DPP10: variants seen among roughly 807,000 people sequenced by gnomAD.
DPP10 encodes dipeptidyl peptidase like 10.
DPP10 carries 33 observed loss-of-function variants against 120.9 expected under a neutral mutation model. That is an observed-to-expected ratio of 0.27 (90% confidence interval 0.21 to 0.37). The LOEUF is 0.37. Ranked by LOEUF, DPP10 falls within the 10% of genes least tolerant of loss-of-function variation. The probability of loss-of-function intolerance (pLI) is 1.00; values close to 1 mark genes in which losing one functional copy is unlikely to be tolerated. For synonymous variants in DPP10, 337 were observed against 326.1 expected (o/e 1.03, Z -0.36); for missense variants, 816 against 942.8 (o/e 0.87, Z 1.76).
chr2:115,167,432 TAAAAAG>T lies in DPP10; in HGVS notation c.61-141802_61-141797del, dbSNP rs2052971080. On this transcript the variant is annotated intron_variant, in intron 1 of 25. Transcript: ENST00000410059. ...AACAAACAAAAAACAAAAAAGAAAA[TAAAAAG>T]AAAAGAAAGAAAGAAAGAATTATCA... is the stretch of plus-strand genomic sequence containing the variant. Among the ~76,000 whole-genome samples the T allele has an allele frequency of 2.0e-5, 3 of 150,014 alleles. No homozygotes were observed. The South Asian group carries it at 6.4e-4, about 32-fold the overall frequency.
chr2:115,416,018 T>C (rs1387260415), intron 3 of DPP10, among the ~76,000 whole-genome samples: 1 of 151,838 alleles, frequency 6.6e-6, no homozygotes, highest in Non-Finnish European at 1.5e-5. Context: ...TACACAAATT[T>C]GAAAGCAAAA....
At chr2:114,778,111 G>A (rs10496474) in intron 1 of DPP10, among the ~76,000 whole-genome samples, 13,621 of 151,888 alleles carry the variant, frequency 0.09, 906 homozygotes, top group African/African-American at 0.17. Flanking sequence ...TTACTAAGAA[G>A]GGCTATAAAT....
chr2:114,577,373 G>T (rs1286220383), intron 1 of DPP10, among the ~76,000 whole-genome samples: 6 of 152,172 alleles, frequency 3.9e-5, no homozygotes, highest in Non-Finnish European at 8.8e-5. Flanking sequence ...CCTTCCTGTA[G>T]AGAACATTGG....
chr2:115,377,824 G>T (rs1265539455), intron 3 of DPP10, among the ~76,000 whole-genome samples: 1 of 152,076 alleles, frequency 6.6e-6, no homozygotes, highest in Non-Finnish European at 1.5e-5. Flanking sequence ...TTTCCCCATT[G>T]CTTGTTTTTG....
intron 1 of DPP10, among the ~76,000 whole-genome samples, chr2:115,003,818 A>T (rs1466706259): frequency 6.6e-6 from 1 of 152,086 alleles, no homozygotes; most frequent in Non-Finnish European, 1.5e-5. Context: ...TTCCAAACCT[A>T]TTGACTTGAT....
intron 1 of DPP10, among the ~76,000 whole-genome samples, chr2:114,696,831 G>A (rs1377826049): frequency 2.0e-5 from 3 of 151,852 alleles, no homozygotes; most frequent in African/African-American, 7.2e-5. Context: ...TGGTATCATG[G>A]TCGAAGAATG....
intron 7 of DPP10, among the ~76,000 whole-genome samples, chr2:115,713,158 G>A (rs2421278): frequency 0.91 from 138,151 of 152,034 alleles, 64,266 homozygotes; most frequent in East Asian, 1. Context: ...ATAATTAAAA[G>A]AAATAGGTAG....
At chr2:114,991,077 A>C (rs936805602) in intron 1 of DPP10, among the ~76,000 whole-genome samples, 3 of 152,246 alleles carry the variant, frequency 2.0e-5, no homozygotes, top group Non-Finnish European at 2.9e-5. Context: ...ACAGAAAATA[A>C]GACCAAACCA....
intron 1 of DPP10, among the ~76,000 whole-genome samples, chr2:114,948,696 A>T (rs1170976152): frequency 6.6e-6 from 1 of 152,144 alleles, no homozygotes; most frequent in Non-Finnish European, 1.5e-5. Flanking sequence ...GTCAAGTACC[A>T]CCATTCTTTC....
chr2:115,813,388 C>A (rs945082477), intron 19 of DPP10, among the ~76,000 whole-genome samples: 1 of 152,098 alleles, frequency 6.6e-6, no homozygotes, highest in Non-Finnish European at 1.5e-5. Context: ...TATGGTAGTC[C>A]CACTGTAACT....
rs140427624 is a variant in DPP10, at chr2:115,444,340, A to G, written c.272-55170A>G. Among the ~76,000 whole-genome samples, 552 of 152,342 alleles carry G rather than the reference A, an allele frequency of 3.6e-3. 3 individuals carry two copies. Among genetic ancestry groups the G allele is most frequent in the African/African-American group, 0.013 (539 of 41,582 alleles). On this transcript the variant is annotated intron_variant, in intron 3 of 25. Coordinates refer to ENST00000410059, the MANE Select transcript of DPP10 (RefSeq NM_020868.6). The stretch of plus-strand genomic sequence containing the variant: ...CTTAGTGATTTGATGAATCTCATGT[A>G]ATTAACATGACGGTTAGACTCAGGC...
chr2:114,886,984 G>A (rs1406403058), intron 1 of DPP10, among the ~76,000 whole-genome samples: 1 of 152,104 alleles, frequency 6.6e-6, no homozygotes, highest in Admixed American at 6.5e-5. Flanking sequence ...CCATTAGTGT[G>A]AATTATTTGT....
intron 1 of DPP10, among the ~76,000 whole-genome samples, chr2:114,793,732 C>T (rs1180085882): frequency 6.6e-6 from 1 of 152,132 alleles, no homozygotes; most frequent in Non-Finnish European, 1.5e-5. Flanking sequence ...AACAAGATAT[C>T]CCCTAAAATA....
intron 1 of DPP10, among the ~76,000 whole-genome samples, chr2:115,299,338 GT>G (rs1359635111): frequency 4.6e-5 from 7 of 152,028 alleles, no homozygotes; most frequent in Non-Finnish European, 7.4e-5. Context: ...AATTGGAAGA[GT>G]GGCTGGCAAA....
At chr2:114,732,487 A>G (rs772767361) in intron 1 of DPP10, among the ~76,000 whole-genome samples, 1 of 152,146 alleles carries the variant, frequency 6.6e-6, no homozygotes, top group Non-Finnish European at 1.5e-5. Flanking sequence ...GAGAGAGTAA[A>G]ATGGGGAAAG....
chr2:115,587,319 C>T (rs1271470919), intron 5 of DPP10, among the ~76,000 whole-genome samples: 2 of 151,844 alleles, frequency 1.3e-5, no homozygotes, highest in Non-Finnish European at 2.9e-5. Flanking sequence ...AGGGTGGTCT[C>T]GATCTCCTGA....
At chr2:114,594,613 A>G (rs1691753872) in intron 1 of DPP10, among the ~76,000 whole-genome samples, 1 of 149,522 alleles carries the variant, frequency 6.7e-6, no homozygotes, top group Admixed American at 6.7e-5. Flanking sequence ...TCTCATATAT[A>G]TTTATATGCA....
intron 1 of DPP10, among the ~76,000 whole-genome samples, chr2:114,623,383 T>G (rs959361175): frequency 1.3e-5 from 2 of 152,144 alleles, no homozygotes; most frequent in African/African-American, 4.8e-5. Flanking sequence ...AGCAGCACCA[T>G]AGTTCATTTT....
At chr2:114,561,179 T>G (rs771732488) in intron 1 of DPP10, among the ~76,000 whole-genome samples, 1 of 152,158 alleles carries the variant, frequency 6.6e-6, no homozygotes, top group Admixed American at 6.5e-5. Context: ...TCATCCGCAA[T>G]CCACATGTCT....
Sources: gnomAD v4.1 joint callset for allele counts (sites outside exome capture counted in the v4.1 genomes callset) on GRCh38, gnomAD v4.1.1 for gene constraint, MANE v1.5 for transcripts, NCBI Gene and HGNC (gene_info 2026-07-23, HGNC 2026-07-21) for gene names.